PRKG1: variants seen among roughly 807,000 people sequenced by gnomAD.
PRKG1 encodes cGMP-dependent protein kinase 1.
In PRKG1, 35 loss-of-function variants were observed where a neutral mutation model predicts 88.1. The observed-to-expected ratio is 0.40, with a 90% confidence interval of 0.30 to 0.53. The LOEUF (loss-of-function observed/expected upper bound fraction) is 0.53, where lower values mean the gene tolerates loss of function less well. Ranked by LOEUF, PRKG1 falls within the 20% of genes least tolerant of loss-of-function variation. The pLI is 0.59. For missense variants in PRKG1, 540 were observed against 839.8 expected (o/e 0.64, Z 4.41); for synonymous variants, 303 against 292.5 (o/e 1.04, Z -0.37).
intron 5 of PRKG1, among the ~76,000 whole-genome samples, chr10:52,054,065 G>A (rs564713018): frequency 4.9e-4 from 75 of 152,222 alleles, no homozygotes; most frequent in African/African-American, 1.7e-3. Context: ...CTGCTATTTT[G>A]TTTTATGCTC....
intron 7 of PRKG1, among the ~76,000 whole-genome samples, chr10:52,129,015 TC>T (rs1837178709): frequency 6.6e-6 from 1 of 152,220 alleles, no homozygotes; most frequent in African/African-American, 2.4e-5. Context: ...TCTCTTGTGT[TC>T]AATATTTTAC....
chr10:51,299,301 G>C (rs1047625959), intron 2 of PRKG1, among the ~76,000 whole-genome samples: 1 of 152,076 alleles, frequency 6.6e-6, no homozygotes, highest in African/African-American at 2.4e-5. Flanking sequence ...CGCCTCCTGG[G>C]TTCAAGCAAT....
intron 3 of PRKG1, among the ~76,000 whole-genome samples, chr10:51,471,062 A>G (rs1361384022): frequency 6.6e-6 from 1 of 151,984 alleles, no homozygotes; most frequent in Non-Finnish European, 1.5e-5. Flanking sequence ...CTTATAAAAT[A>G]ACTATTGATT....
chr10:51,845,541 G>A (rs1488189450), intron 4 of PRKG1, among the ~76,000 whole-genome samples: 1 of 152,084 alleles, frequency 6.6e-6, no homozygotes. Context: ...TAAATTGATA[G>A]CCTTGTAGAA....
At chr10:51,163,502 G>C (rs945902270) in intron 2 of PRKG1, among the ~76,000 whole-genome samples, 2 of 152,134 alleles carry the variant, frequency 1.3e-5, no homozygotes, top group Non-Finnish European at 1.5e-5. Context: ...CTGAGGTACC[G>C]GGTTCATCTC....
intron 5 of PRKG1, among the ~76,000 whole-genome samples, chr10:52,022,162 G>A (rs919298890): frequency 7.9e-5 from 12 of 152,240 alleles, no homozygotes; most frequent in Non-Finnish European, 5.9e-5. Context: ...TGTGCTGCCC[G>A]ATGAATTTGT....
chr10:51,497,910 G>C (rs1589018753), intron 3 of PRKG1, among the ~76,000 whole-genome samples: 1 of 152,222 alleles, frequency 6.6e-6, no homozygotes, highest in East Asian at 1.9e-4. Context: ...ATCTGGATGT[G>C]TTTGTGTGTA....
intron 2 of PRKG1, among the ~76,000 whole-genome samples, chr10:51,320,991 A>C (rs1407609345): frequency 6.6e-6 from 1 of 152,224 alleles, no homozygotes; most frequent in Non-Finnish European, 1.5e-5. Context: ...TCTAGGAAGC[A>C]GATAAGGTCA....
intron 2 of PRKG1, among the ~76,000 whole-genome samples, chr10:51,179,703 A>T (rs1029330309): frequency 1.3e-5 from 2 of 152,168 alleles, no homozygotes; most frequent in Non-Finnish European, 2.9e-5. Context: ...TCCCTCAGAC[A>T]CCTGTTACCA....
chr10:51,125,683 A>C (rs1845378354), intron 1 of PRKG1, among the ~76,000 whole-genome samples: 1 of 146,714 alleles, frequency 6.8e-6, no homozygotes, highest in Non-Finnish European at 1.5e-5. Flanking sequence ...CTCTGTCTCA[A>C]AAAAAAAAAA....
intron 5 of PRKG1, among the ~76,000 whole-genome samples, chr10:52,044,414 A>G (rs980503588): frequency 6.6e-6 from 1 of 152,148 alleles, no homozygotes; most frequent in Non-Finnish European, 1.5e-5. Flanking sequence ...CTACCTATGC[A>G]CACCTTTAAA....
intron 3 of PRKG1, among the ~76,000 whole-genome samples, chr10:51,553,796 T>C (rs1288047699): frequency 2.4e-5 from 3 of 122,762 alleles, no homozygotes; most frequent in Admixed American, 8.9e-5. Context: ...TAGATACGTG[T>C]ATATAATATA....
At chr10:51,610,956 C>T (rs1034359636) in intron 3 of PRKG1, among the ~76,000 whole-genome samples, 4 of 151,930 alleles carry the variant, frequency 2.6e-5, no homozygotes, top group Non-Finnish European at 4.4e-5. Context: ...GGCTTAAAAC[C>T]TAGGTGATGG....
intron 3 of PRKG1, among the ~76,000 whole-genome samples, chr10:51,478,029 C>T (rs1252913412): frequency 6.6e-6 from 1 of 151,934 alleles, no homozygotes; most frequent in African/African-American, 2.4e-5. Flanking sequence ...TGACTTTGGT[C>T]TGTGAAGAGG....
intron 3 of PRKG1, among the ~76,000 whole-genome samples, chr10:51,732,698 C>T (rs1476627251): frequency 6.6e-6 from 1 of 152,024 alleles, no homozygotes; most frequent in East Asian, 1.9e-4. Flanking sequence ...TTAGATTTTG[C>T]TGAGTTGATA....
At position 51,233,993 on chromosome 10, in the gene PRKG1, C is replaced by G. The variant is rs576809810; in HGVS notation, c.478+80663C>G. Among the ~76,000 whole-genome samples the G allele has an allele frequency of 4.6e-5, 7 of 152,178 alleles. No individual in the cohort carries two copies. In the South Asian group the frequency reaches 1.5e-3, roughly 32 times the overall value. ...GTAGGGAACGGTCTCTTTAGCTTAT[C>G]AGAGTTAGAATTGAAATGCATATTT... On this transcript the variant is annotated intron_variant, in intron 2 of 17. Transcript: ENST00000373980.
At chr10:52,221,764 C>T (rs1418136877) in intron 9 of PRKG1, among the ~76,000 whole-genome samples, 3 of 152,160 alleles carry the variant, frequency 2.0e-5, no homozygotes, top group Non-Finnish European at 2.9e-5. Context: ...ATGTGTGCTA[C>T]AGGCTTAATA....
At chr10:51,310,688 A>G (rs566753591) in intron 2 of PRKG1, among the ~76,000 whole-genome samples, 6 of 152,176 alleles carry the variant, frequency 3.9e-5, no homozygotes, top group Non-Finnish European at 7.4e-5. Context: ...TTCTCATGCC[A>G]GTCACTTAGA....
intron 5 of PRKG1, among the ~76,000 whole-genome samples, chr10:52,006,038 T>C (rs972959281): frequency 2.0e-5 from 3 of 151,050 alleles, no homozygotes; most frequent in Non-Finnish European, 2.9e-5. Context: ...ACCCACCTTA[T>C]ACCATAATCA....
Sources: gnomAD v4.1 joint callset for allele counts (sites outside exome capture counted in the v4.1 genomes callset) on GRCh38, gnomAD v4.1.1 for gene constraint, MANE v1.5 for transcripts, NCBI Gene and HGNC (gene_info 2026-07-23, HGNC 2026-07-21) for gene names.